Variants in ATP2B2 observed in about 807,000 individuals in gnomAD.
ATP2B2 encodes the protein ATPase plasma membrane Ca2+ transporting 2.
ATP2B2 carries 15 observed loss-of-function variants against 120.0 expected under a neutral mutation model. That is an observed-to-expected ratio of 0.12 (90% CI 0.08 to 0.19). The LOEUF is 0.19. Among genes scored for constraint, ATP2B2 ranks in the 10% least tolerant of loss-of-function variants. ATP2B2 has a pLI of 1.00. For synonymous variants in ATP2B2, 694 were observed against 700.3 expected, an observed-to-expected ratio of 0.99 and a Z score of 0.14; for missense variants, 1,045 against 1,719.8, an observed-to-expected ratio of 0.61 and a Z score of 6.94.
chr3:10,372,822 A>C (rs2061281595), intron 11 of ATP2B2, among the ~76,000 whole-genome samples: 1 of 152,110 alleles, frequency 6.6e-6, no homozygotes. Context: ...CCAACTCCAC[A>C]CTCATACCTT....
intron 12 of ATP2B2, among the ~76,000 whole-genome samples, chr3:10,362,002 AC>A (rs142241023): frequency 6.6e-6 from 1 of 151,976 alleles, no homozygotes; most frequent in Non-Finnish European, 1.5e-5. Context: ...TCCCATGTGC[AC>A]CCCCCAACCC....
At chr3:10,579,579 C>T (rs1043782168) in intron 2 of ATP2B2, among the ~76,000 whole-genome samples, 2 of 152,138 alleles carry the variant, frequency 1.3e-5, no homozygotes, top group African/African-American at 2.4e-5. Flanking sequence ...GAGGTCGAGG[C>T]GGGCAGAGCA....
At chr3:10,588,409 C>G (rs1054762323) in intron 2 of ATP2B2, among the ~76,000 whole-genome samples, 4 of 152,150 alleles carry the variant, frequency 2.6e-5, no homozygotes, top group Non-Finnish European at 4.4e-5. Context: ...AGTGGGCACT[C>G]ACCAATATTT....
At chr3:10,620,827 C>T (rs1450581352) in intron 1 of ATP2B2, among the ~76,000 whole-genome samples, 1 of 152,142 alleles carries the variant, frequency 6.6e-6, no homozygotes, top group Non-Finnish European at 1.5e-5. Flanking sequence ...GGTGCAGCCC[C>T]TACCAGCCAC....
chr3:10,400,680 C>G (rs1335193756), intron 5 of ATP2B2, among the ~76,000 whole-genome samples: 2 of 152,232 alleles, frequency 1.3e-5, no homozygotes, highest in African/African-American at 2.4e-5. Flanking sequence ...TTTAGTAAAC[C>G]AAGTCACTAG....
chr3:10,446,799 C>T (rs904472499), intron 2 of ATP2B2, among the ~76,000 whole-genome samples: 15 of 152,190 alleles, frequency 9.9e-5, no homozygotes, highest in African/African-American at 3.6e-4. Flanking sequence ...GACCAAGGCT[C>T]AGAGAGGTCA....
chr3:10,702,919 A>G (rs2071840418), intron 1 of ATP2B2, among the ~76,000 whole-genome samples: 1 of 151,910 alleles, frequency 6.6e-6, no homozygotes, highest in Non-Finnish European at 1.5e-5. Flanking sequence ...CACTCCCATC[A>G]TTCCTTTTCT....
At chr3:10,595,336 C>A (rs936082329) in intron 2 of ATP2B2, among the ~76,000 whole-genome samples, 5 of 152,336 alleles carry the variant, frequency 3.3e-5, no homozygotes, top group African/African-American at 1.2e-4. Flanking sequence ...TTCCAGTGGG[C>A]ATCTCCTCTT....
At chr3:10,641,149 C>T (rs989336400) in intron 1 of ATP2B2, among the ~76,000 whole-genome samples, 4 of 152,234 alleles carry the variant, frequency 2.6e-5, no homozygotes, top group African/African-American at 9.7e-5. Flanking sequence ...ACAGGATACA[C>T]TACAGCAGGG....
intron 1 of ATP2B2, among the ~76,000 whole-genome samples, chr3:10,456,465 G>A (rs2064264014): frequency 6.6e-6 from 1 of 152,178 alleles, no homozygotes; most frequent in African/African-American, 2.4e-5. Flanking sequence ...TGCCTTGGTT[G>A]ACCCTCCCCA....
At chr3:10,413,714 C>G (rs1451366305) in intron 2 of ATP2B2, among the ~76,000 whole-genome samples, 1 of 152,214 alleles carries the variant, frequency 6.6e-6, no homozygotes, top group East Asian at 1.9e-4. Flanking sequence ...CCAATTCTAC[C>G]CATAGCCAAC....
intron 12 of ATP2B2, among the ~76,000 whole-genome samples, chr3:10,368,224 G>A (rs1336239705): frequency 6.6e-6 from 1 of 151,916 alleles, no homozygotes; most frequent in African/African-American, 2.4e-5. Context: ...TAATTGGGAG[G>A]TCTATGGATC....
intron 1 of ATP2B2, among the ~76,000 whole-genome samples, chr3:10,450,389 C>G: frequency 6.6e-6 from 1 of 152,080 alleles, no homozygotes; most frequent in South Asian, 2.1e-4. Flanking sequence ...CTGGGACACT[C>G]TCCCCCAAAT....
Position 10,453,948 on chromosome 3 carries a change from T to TCATC in ATP2B2, c.-319-4090_-319-4087dup, listed in dbSNP as rs1455551284. Among the ~76,000 whole-genome samples, 8 of 131,746 alleles carry TCATC rather than the reference T, an allele frequency of 6.1e-5. No individual in the cohort carries two copies. The South Asian group carries it at 7.9e-4, about 13-fold the overall frequency. The allele number at this position is 131,746 out of a possible 152,430, so 86.4% of individuals were successfully genotyped here. ...TCCACCCATCTACCCACCCATCCACTCATCCATCCATCCATCCATGCACTC... is the reference window on the plus strand; with the variant it reads ...TCCACCCATCTACCCACCCATCCACTCATCCATCCATCCATCCATCCATGCACTC... On this transcript the variant is annotated intron_variant, in intron 1 of 22. Transcript: ENST00000360273.
At chr3:10,599,838 T>A (rs2068859003) in intron 2 of ATP2B2, among the ~76,000 whole-genome samples, 1 of 151,080 alleles carries the variant, frequency 6.6e-6, no homozygotes, top group African/African-American at 2.4e-5. Context: ...AGAATTCAAA[T>A]GGATAAACAA....
intron 3 of ATP2B2, among the ~76,000 whole-genome samples, chr3:10,405,719 G>T (rs76667419): frequency 6.6e-6 from 1 of 152,114 alleles, no homozygotes; most frequent in Non-Finnish European, 1.5e-5. Context: ...TGGGGAATCC[G>T]CTTGGCCTCT....
At chr3:10,518,583 G>A (rs1159731965) in intron 3 of ATP2B2, among the ~76,000 whole-genome samples, 1 of 152,228 alleles carries the variant, frequency 6.6e-6, no homozygotes, top group Admixed American at 6.5e-5. Context: ...CTTCACCTGA[G>A]CCCACTCCTG....
At chr3:10,436,637 C>T (rs1312366729) in intron 2 of ATP2B2, among the ~76,000 whole-genome samples, 3 of 152,242 alleles carry the variant, frequency 2.0e-5, no homozygotes, top group Non-Finnish European at 4.4e-5. Context: ...GTCCCCGTTT[C>T]CTTCTGGAAA....
intron 1 of ATP2B2, among the ~76,000 whole-genome samples, chr3:10,476,983 C>T (rs34880): frequency 0.5 from 75,710 of 152,016 alleles, 19,862 homozygotes; most frequent in Non-Finnish European, 0.56. Flanking sequence ...CTAGAAGCCA[C>T]TCAAAGTCAC....
Sources: allele counts gnomAD v4.1 joint callset (sites outside exome capture counted in the v4.1 genomes callset), GRCh38; gene constraint gnomAD v4.1.1; transcripts MANE v1.5; gene names NCBI Gene and HGNC (gene_info 2026-07-23, HGNC 2026-07-21).